CAT: variants seen among roughly 807,000 people sequenced by gnomAD.
CAT encodes catalase, also known as epididymis secretory sperm binding protein.
In CAT, 43 loss-of-function variants were observed where a neutral mutation model predicts 59.0. The observed-to-expected ratio is 0.73, with a 90% CI of 0.57 to 0.94. The LOEUF (loss-of-function observed/expected upper bound fraction) is 0.94, where lower values mean the gene tolerates loss of function less well. Among genes scored for constraint, CAT ranks in the 40% least tolerant of loss-of-function variants. CAT has a pLI of 0.00. For synonymous variants in CAT, 218 were observed against 230.9 expected (o/e 0.94, Z 0.51); for missense variants, 664 against 682.9 (o/e 0.97, Z 0.31).
At chr11:34,465,009 A>G (rs1185699776) in intron 10 of CAT, among the ~76,000 whole-genome samples, 3 of 152,154 alleles carry the variant, frequency 2.0e-5, no homozygotes, top group African/African-American at 7.2e-5. Context: ...TCCTCTTTCC[A>G]GTTGCCTATG....
At chr11:34,453,764 A>G in intron 5 of CAT, 37 bp from the exon 6 acceptor site, 1 of 1,600,076 alleles carries the variant, frequency 6.2e-7, no homozygotes, top group Non-Finnish European at 8.6e-7. Context: ...TTTGATTTAA[A>G]TGAAAACATT....
chr11:34,441,601 C>T (rs971272197), intron 1 of CAT, among the ~76,000 whole-genome samples: 5 of 152,098 alleles, frequency 3.3e-5, no homozygotes, highest in African/African-American at 1.2e-4. Flanking sequence ...TGAGACCAGC[C>T]TAAGCAACAT....
At chr11:34,464,658 G>A (rs762125469) in intron 10 of CAT, among the ~76,000 whole-genome samples, 5 of 151,924 alleles carry the variant, frequency 3.3e-5, no homozygotes, top group African/African-American at 9.7e-5. Flanking sequence ...CGTTTCCACT[G>A]CAGGGCTCGT....
At chr11:34,455,983 A>T in intron 6 of CAT, 28 bp from the exon 7 acceptor site, 1 of 1,604,582 alleles carries the variant, frequency 6.2e-7, no homozygotes, top group Non-Finnish European at 8.5e-7. Context: ...ATAAGTTTCC[A>T]TTGGAGCTTC....
rs1029257782 is a variant in CAT, at chr11:34,471,373, G to A, written c.1524G>A (p.Ala508=). Residue 508 remains alanine (A), a synonymous_variant, in exon 13 of 13, where the codon GCG becomes GCA. Transcript: ENST00000241052. The stretch of plus-strand genomic sequence containing the variant: ...ATCTTGTTCTTTTAAAACAGAATGC[G>A]ATTCACACCTTTGTGCAGTCCGGAT... ...DKYNAEKPKN[A]IHTFVQSGSH... 1.9e-5 allele frequency: 31 copies of A among 1,613,734 alleles called. No individual in the cohort carries two copies. Among genetic ancestry groups the A allele is most frequent in the African/African-American group, 1.2e-4 (9 of 74,932 alleles).
At chr11:34,448,039 A>AT (rs1856479803) in intron 1 of CAT, among the ~76,000 whole-genome samples, 1 of 152,140 alleles carries the variant, frequency 6.6e-6, no homozygotes, top group Non-Finnish European at 1.5e-5. Context: ...TAGTTTTGCA[A>AT]ATTGCACGGT....
At chr11:34,460,976 G>T in intron 8 of CAT, 1 of 480,364 alleles carries the variant, frequency 2.1e-6, no homozygotes. Flanking sequence ...ACACTAACTT[G>T]TTATGCAGAA....
chr11:34,471,950 A>G lies in CAT; in HGVS notation c.*517A>G, dbSNP rs1237328212. The G allele has an allele frequency of 1.8e-5, 3 of 163,088 alleles. No homozygotes were observed. The highest frequency in any genetic ancestry group is 7.2e-5 in the African/African-American group (3 of 41,474). The allele number at this position is 163,088 out of a possible 1,614,324, so 10.1% of individuals were successfully genotyped here. A position where few individuals can be genotyped will look rare whatever the true frequency, so the allele number is the denominator to read the frequency against. On this transcript the variant is annotated 3_prime_UTR_variant, in exon 13 of 13. Transcript: ENST00000241052. ...GTTTATTCCTGATAATAATTGATCA[A>G]ATTCATTTTTTTCACTGGAGTTACA...
chr11:34,440,778 G>A (rs1221419499), intron 1 of CAT, among the ~76,000 whole-genome samples: 2 of 152,014 alleles, frequency 1.3e-5, no homozygotes, highest in Non-Finnish European at 2.9e-5. Flanking sequence ...GGCCAGGCTG[G>A]ACTGGAACTC....
chr11:34,454,864 T>C (rs1038577207), intron 6 of CAT, among the ~76,000 whole-genome samples: 18 of 152,192 alleles, frequency 1.2e-4, no homozygotes, highest in African/African-American at 3.9e-4. Flanking sequence ...TCCTAGATAA[T>C]TGTGGCCTTG....
At chr11:34,443,948 G>A (rs1856420788) in intron 1 of CAT, among the ~76,000 whole-genome samples, 1 of 152,262 alleles carries the variant, frequency 6.6e-6, no homozygotes, top group Non-Finnish European at 1.5e-5. Context: ...GTCATTATGT[G>A]CAGTGGGAGA....
intron 8 of CAT, 168 bp from the exon 9 acceptor site, chr11:34,461,083 C>T (rs1006754154): frequency 1.8e-5 from 14 of 772,690 alleles, no homozygotes; most frequent in African/African-American, 1.2e-4. Flanking sequence ...AGGGAGAACT[C>T]GTTTCATAAG....
intron 1 of CAT, among the ~76,000 whole-genome samples, chr11:34,446,257 T>A (rs1856453137): frequency 6.6e-6 from 1 of 152,182 alleles, no homozygotes; most frequent in African/African-American, 2.4e-5. Context: ...GTAAATTGTA[T>A]ATACATGAGC....
At chr11:34,448,180 G>A (rs1379803048) in intron 1 of CAT, among the ~76,000 whole-genome samples, 2 of 152,186 alleles carry the variant, frequency 1.3e-5, no homozygotes, top group East Asian at 3.8e-4. Context: ...AGACATGCAT[G>A]GGGAGTAAAA....
intron 8 of CAT, among the ~76,000 whole-genome samples, chr11:34,458,090 A>C (rs1189763494): frequency 6.6e-6 from 1 of 152,250 alleles, no homozygotes. Context: ...CCAGAAAGCA[A>C]AATTTTGTCT....
Position 34,468,701 on chromosome 11 carries a change from G to C in CAT, c.1434+306G>C, listed in dbSNP as rs1164608292. 2.0e-5 allele frequency among the ~76,000 whole-genome samples: 3 copies of C among 152,266 alleles called. No homozygotes were observed. The Middle Eastern group carries it at 0.01, about 518-fold the overall frequency. On this transcript the variant is annotated intron_variant, in intron 11 of 12. Transcript: ENST00000241052. ...CCAAGTTCTGTGCAAGATAGTAAATGTGCAATATCAAAATGTGAGTCCTGC... is the reference window on the plus strand; with the variant it reads ...CCAAGTTCTGTGCAAGATAGTAAATCTGCAATATCAAAATGTGAGTCCTGC...
At chr11:34,444,402 A>C (rs1856425679) in intron 1 of CAT, among the ~76,000 whole-genome samples, 1 of 152,188 alleles carries the variant, frequency 6.6e-6, no homozygotes, top group Admixed American at 6.5e-5. Flanking sequence ...CTAAGACGGA[A>C]TTGCTTTAGC....
intron 6 of CAT, among the ~76,000 whole-genome samples, chr11:34,455,343 T>C (rs1030492651): frequency 2.0e-5 from 3 of 152,124 alleles, no homozygotes; most frequent in African/African-American, 7.2e-5. Flanking sequence ...GATCACATGG[T>C]CAGTCCATCA....
At chr11:34,469,339 TA>T (rs963091926) in intron 11 of CAT, among the ~76,000 whole-genome samples, 4 of 152,154 alleles carry the variant, frequency 2.6e-5, no homozygotes, top group Non-Finnish European at 4.4e-5. Context: ...AGAGAATGGA[TA>T]CGACAGCTTG....
Sources: gnomAD v4.1 joint callset for allele counts (sites outside exome capture counted in the v4.1 genomes callset) on GRCh38, gnomAD v4.1.1 for gene constraint, MANE v1.5 for transcripts, NCBI Gene and HGNC (gene_info 2026-07-23, HGNC 2026-07-21) for gene names.